MYO7A: variants seen among roughly 807,000 people sequenced by gnomAD.
MYO7A encodes the protein unconventional myosin-VIIa.
Under a neutral mutation model 263.8 loss-of-function variants are expected in MYO7A, and 210 were observed. The ratio of observed to expected loss-of-function variants is 0.80; its 90% CI spans 0.71 to 0.89. MYO7A has a LOEUF of 0.89. Ranked by LOEUF, MYO7A falls within the 40% of genes least tolerant of loss-of-function variation. The probability of loss-of-function intolerance (pLI) is 0.00; values close to 1 mark genes in which losing one functional copy is unlikely to be tolerated. For missense variants in MYO7A, 2,820 were observed against 2,968.3 expected (o/e 0.95, Z 1.16); for synonymous variants, 1,239 against 1,197.3 (o/e 1.03, Z -0.72).
chr11:77,173,946 C>T (rs1483681319), intron 16 of MYO7A, among the ~76,000 whole-genome samples: 1 of 151,998 alleles, frequency 6.6e-6, no homozygotes, highest in African/African-American at 2.4e-5. Context: ...GGACCCTTCC[C>T]TCGGCCCAGT....
chr11:77,174,694 ACAGCAGGGCTGCCTCC>A, intron 16 of MYO7A, 46 bp from the exon 17 acceptor site: 1 of 1,513,274 alleles, frequency 6.6e-7, no homozygotes, highest in East Asian at 2.5e-5. Context: ...GGTCAAGTGC[ACAGCAGGGCTGCCTCC>A]CAGCAGGAGC....
chr11:77,129,978 CCCGGGCCCAGGCCCAGGT>C (rs1555045594), intron 1 of MYO7A, among the ~76,000 whole-genome samples: 1 of 152,026 alleles, frequency 6.6e-6, no homozygotes, highest in Non-Finnish European at 1.5e-5. Flanking sequence ...CGGGCCCGGG[CCCGGGCCCAGGCCCAGGT>C]GCGGTGCATT....
In MYO7A at chr11:77,162,978, T is replaced by C; in HGVS notation, c.1680T>C (p.Tyr560=). ...GINHFAGIVY[Y]ETQGFLEKNR... Reference sequence around the variant, plus strand: ...ACCATTTTGCAGGCATCGTCTACTATGAGACCCAAGGTACAGAGGGCTGCC... The same window carrying C: ...ACCATTTTGCAGGCATCGTCTACTACGAGACCCAAGGTACAGAGGGCTGCC... Residue 560 remains tyrosine (Y), a synonymous_variant, in exon 14 of 49, where the codon TAT becomes TAC. Transcript: ENST00000409709. 1 of 1,613,890 alleles carries C rather than the reference T, an allele frequency of 6.2e-7. No individual in the cohort carries two copies. The highest frequency in any genetic ancestry group is 1.3e-5 in the African/African-American group (1 of 75,018).
At chr11:77,191,667 A>G (rs1591421645) in intron 30 of MYO7A, among the ~76,000 whole-genome samples, 1 of 151,956 alleles carries the variant, frequency 6.6e-6, no homozygotes, top group African/African-American at 2.4e-5. Context: ...TTTTGCCTCC[A>G]CCCCCAGCAA....
In MYO7A at chr11:77,162,328, A is replaced by G; in HGVS notation, c.1552A>G (p.Lys518Glu). ...SLIDEESKFP[K>E]GTDTTMLHKL... ...CATCGATGAGGAGAGCAAGTTCCCCAAGGTGGGCCGGTCCTGCTGCCGCCT... is the reference window on the plus strand; with the variant it reads ...CATCGATGAGGAGAGCAAGTTCCCCGAGGTGGGCCGGTCCTGCTGCCGCCT... Residue 518 changes from lysine (K) to glutamate (E), a missense_variant and splice_region_variant, in exon 13 of 49, where the codon AAG (lysine) becomes GAG (glutamate). Lys to Glu is a moderately conservative substitution (Grantham distance 56). Transcript: ENST00000409709. 6.4e-7 allele frequency: 1 copy of G among 1,551,360 alleles called. No homozygotes were observed. The highest frequency in any genetic ancestry group is 8.7e-7 in the Non-Finnish European group (1 of 1,146,964).
At chr11:77,162,088 AAC>A (rs781968945) in intron 12 of MYO7A, 30 bp from the exon 13 acceptor site, 1 of 1,565,438 alleles carries the variant, frequency 6.4e-7, no homozygotes, top group Non-Finnish European at 8.7e-7. Context: ...GGGCCTGAAC[AAC>A]ACCCTTACCC....
rs974847271 is a variant in MYO7A at position 77,161,776 on chromosome 11, G to A, written c.1344-344G>A. On this transcript the variant is annotated intron_variant, in intron 12 of 48. Transcript: ENST00000409709. Reference sequence around the variant, plus strand: ...CTGTATGGCCCACCAGCCAGCCTCTGGGGTCTTTCTCTCCCAGGCATCTGC... The same window carrying A: ...CTGTATGGCCCACCAGCCAGCCTCTAGGGTCTTTCTCTCCCAGGCATCTGC... Among the ~76,000 whole-genome samples the A allele has an allele frequency of 2.6e-5, 4 of 152,198 alleles. No individual in the cohort carries two copies. In the South Asian group the frequency reaches 6.2e-4, roughly 24 times the overall value.
rs1555077152 is a variant in MYO7A at position 77,172,813 on chromosome 11, G to A, written c.1863G>A (p.Leu621=). The A allele has an allele frequency of 6.4e-7, 1 of 1,554,550 alleles. No individual in the cohort carries two copies. The highest frequency in any genetic ancestry group is 8.7e-7 in the Non-Finnish European group (1 of 1,148,984). ...AGTTCAAGCGGTCACTGGAGCTGCT[G>A]ATGCGCACGCTGGGTGCCTGCCAGC... ...SSQFKRSLEL[L]MRTLGACQPF... is the part of the protein sequence containing the mutation. The change falls in exon 16 of 49, where the codon CTG becomes CTA. Residue 621 remains leucine (L), a synonymous_variant. Coordinates refer to ENST00000409709, the MANE Select transcript of MYO7A (RefSeq NM_000260.4).
chr11:77,152,761 G>A (rs1209100596), intron 4 of MYO7A, among the ~76,000 whole-genome samples: 2 of 152,088 alleles, frequency 1.3e-5, no homozygotes, highest in African/African-American at 4.8e-5. Context: ...AGCTGGGCAT[G>A]CTGAAGGAGA....
intron 15 of MYO7A, among the ~76,000 whole-genome samples, chr11:77,166,411 C>A (rs1421927721): frequency 6.6e-6 from 1 of 152,190 alleles, no homozygotes; most frequent in Admixed American, 6.5e-5. Flanking sequence ...GGTCACAGAG[C>A]AGAACCGGTC....
chr11:77,199,218 A>G (rs1956894324), intron 34 of MYO7A, among the ~76,000 whole-genome samples: 1 of 152,198 alleles, frequency 6.6e-6, no homozygotes, highest in Non-Finnish European at 1.5e-5. Flanking sequence ...TAGTGACAAG[A>G]TAGTCCTTGT....
intron 22 of MYO7A, among the ~76,000 whole-genome samples, chr11:77,180,893 GT>G (rs1565408391): frequency 1.3e-5 from 2 of 152,182 alleles, no homozygotes; most frequent in Non-Finnish European, 2.9e-5. Context: ...TGAAGATTTG[GT>G]GGGGGAAAAA....
chr11:77,155,990 C>G lies in MYO7A; in HGVS notation c.369C>G (p.Thr123=). The G allele has an allele frequency of 6.2e-7, 1 of 1,613,722 alleles. No individual in the cohort carries two copies. Among genetic ancestry groups the G allele is most frequent in the Non-Finnish European group, 8.5e-7 (1 of 1,179,804 alleles). Residue 123 remains threonine, a synonymous_variant, in exon 5 of 49, where the codon ACC becomes ACG. Coordinates refer to ENST00000409709, the MANE Select transcript of MYO7A (RefSeq NM_000260.4). ...IYSPEHIRQY[T]NKKIGEMPPH... ...CGCCAGAGCACATCCGCCAGTATACCAACAAGAAGATTGGGGAGATGCCCC... is the reference window on the plus strand; with the variant it reads ...CGCCAGAGCACATCCGCCAGTATACGAACAAGAAGATTGGGGAGATGCCCC...
At chr11:77,134,760 A>T (rs142160883) in intron 2 of MYO7A, among the ~76,000 whole-genome samples, 259 of 150,544 alleles carry the variant, frequency 1.7e-3, no homozygotes, top group African/African-American at 5.3e-3. Flanking sequence ...TAAAATACAT[A>T]TAACAACATA....
intron 31 of MYO7A, chr11:77,194,065 C>T (rs1264314292): frequency 3.3e-6 from 2 of 613,740 alleles, no homozygotes; most frequent in Middle Eastern, 2.5e-4. Flanking sequence ...GATGGGCTGG[C>T]TTGTTTCTTT....
intron 44 of MYO7A, among the ~76,000 whole-genome samples, chr11:77,210,681 T>G (rs35894743): frequency 0.53 from 81,044 of 151,884 alleles, 21,811 homozygotes; most frequent in Middle Eastern, 0.62. Context: ...CCTCTGGTTT[T>G]GGGTCTGGAA....
chr11:77,147,774 C>T, intron 3 of MYO7A, 24 bp from the exon 4 acceptor site: 5 of 1,605,728 alleles, frequency 3.1e-6, no homozygotes, highest in Non-Finnish European at 4.2e-6. Flanking sequence ...CAGGAGAGCA[C>T]GCTGACGTTC....
Position 77,182,085 on chromosome 11 carries a change from C to CT in MYO7A, c.3039_3040insT (p.Thr1014TyrfsTer17), listed in dbSNP as rs1955275260. ...CGGCCACCTACTTCCAGGGGACAAC[C>CT]ACGCACTCCTACACCCGGCGGCCAC... is the stretch of plus-strand genomic sequence containing the variant. On this transcript the variant is annotated frameshift_variant, in exon 24 of 49. Coordinates refer to ENST00000409709, the MANE Select transcript of MYO7A (RefSeq NM_000260.4). LOFTEE classifies it high-confidence loss of function. The CT allele has an allele frequency of 6.2e-7, 1 of 1,613,246 alleles. No individual in the cohort carries two copies. The highest frequency in any genetic ancestry group is 8.5e-7 in the Non-Finnish European group (1 of 1,179,810).
intron 38 of MYO7A, among the ~76,000 whole-genome samples, chr11:77,203,721 C>T (rs765569681): frequency 3.3e-5 from 5 of 152,122 alleles, no homozygotes; most frequent in Non-Finnish European, 7.4e-5. Flanking sequence ...TCCAGGGCTC[C>T]GGGGCTTCAG....
Sources: gnomAD v4.1 joint callset for allele counts (sites outside exome capture counted in the v4.1 genomes callset) on GRCh38, gnomAD v4.1.1 for gene constraint, MANE v1.5 for transcripts, NCBI Gene and HGNC (gene_info 2026-07-23, HGNC 2026-07-21) for gene names.